The following ABCD2 variants were observed in gnomAD, a reference collection of about 807,000 sequenced individuals.
The protein encoded by ABCD2 is ATP-binding cassette sub-family D member 2.
Under a neutral mutation model 70.9 loss-of-function variants are expected in ABCD2, and 36 were observed. The observed-to-expected ratio is 0.51, with a 90% confidence interval of 0.39 to 0.67. ABCD2 has a LOEUF of 0.67. Among genes scored for constraint, ABCD2 ranks in the 30% least tolerant of loss-of-function variants. ABCD2 has a pLI of 0.00. For synonymous variants in ABCD2, 304 were observed against 306.9 expected (o/e 0.99, Z 0.10); for missense variants, 729 against 890.2 (o/e 0.82, Z 2.30).
chr12:39,561,891 C>A (rs1380038323), intron 9 of ABCD2, among the ~76,000 whole-genome samples: 1 of 152,126 alleles, frequency 6.6e-6, no homozygotes, highest in Non-Finnish European at 1.5e-5. Flanking sequence ...AATATACATT[C>A]TTCTCAACTA....
rs141386507 is a variant in ABCD2 at position 39,577,934 on chromosome 12, C to T, written c.1877+1601G>A. On this transcript the variant is annotated intron_variant, in intron 8 of 9. Coordinates refer to ENST00000308666, the MANE Select transcript of ABCD2 (RefSeq NM_005164.4). Reference sequence around the variant, plus strand: ...TTTTGATGAAGTTTGACTTTTTTTCCGTAATTAAAGGCTTTTAAAAAAATG... The same window carrying T: ...TTTTGATGAAGTTTGACTTTTTTTCTGTAATTAAAGGCTTTTAAAAAAATG... Among the ~76,000 whole-genome samples, 284 of 151,924 alleles carry T rather than the reference C, an allele frequency of 1.9e-3. 1 individual carries two copies. The highest frequency in any genetic ancestry group is 6.6e-3 in the African/African-American group (273 of 41,404).
chr12:39,604,114 A>G, intron 4 of ABCD2, 108 bp from the exon 5 acceptor site: 3 of 733,376 alleles, frequency 4.1e-6, no homozygotes, highest in Admixed American at 5.9e-5. Context: ...AAGATAATTC[A>G]CAGTAATAAA....
intron 7 of ABCD2, among the ~76,000 whole-genome samples, chr12:39,585,499 C>G (rs1275760049): frequency 6.6e-6 from 1 of 151,756 alleles, no homozygotes; most frequent in Non-Finnish European, 1.5e-5. Flanking sequence ...ATGTGAATGC[C>G]CTTTATTTCT....
intron 8 of ABCD2, 62 bp downstream of exon 8, chr12:39,579,473 C>T (rs1941566420): frequency 1.7e-6 from 2 of 1,178,910 alleles, no homozygotes; most frequent in Non-Finnish European, 2.5e-6. Context: ...TTTGTTGTTC[C>T]TATTGTTGCT....
chr12:39,531,851 C>T, the ABCD2 span, among the ~76,000 whole-genome samples: 3 of 152,228 alleles, frequency 2.0e-5, no homozygotes, highest in East Asian at 1.9e-4. Flanking sequence ...CCCATATATT[C>T]GCAAATGCCG....
the ABCD2 span, among the ~76,000 whole-genome samples, chr12:39,538,105 G>C: frequency 6.6e-6 from 1 of 151,870 alleles, no homozygotes; most frequent in African/African-American, 2.4e-5. Context: ...TTCTGTAATG[G>C]GGCTCTTGAG....
At chr12:39,545,260 G>A (rs1196549179), downstream of ABCD2, among the ~76,000 whole-genome samples, 1 of 152,052 alleles carries the variant, frequency 6.6e-6, no homozygotes, top group Non-Finnish European at 1.5e-5. Context: ...CAAAAATTTG[G>A]CTTAGATAGG....
intron 2 of ABCD2, among the ~76,000 whole-genome samples, chr12:39,614,602 C>T (rs1288778446): frequency 6.6e-6 from 1 of 151,422 alleles, no homozygotes; most frequent in Admixed American, 6.6e-5. Context: ...TTACCTCTAA[C>T]ATAAGGGACA....
chr12:39,611,287 C>G (rs925861231), intron 2 of ABCD2, among the ~76,000 whole-genome samples: 1 of 152,012 alleles, frequency 6.6e-6, no homozygotes, highest in Non-Finnish European at 1.5e-5. Context: ...AAGTTCCACA[C>G]TAATACAAGA....
chr12:39,543,151 T>G, the ABCD2 span, among the ~76,000 whole-genome samples: 1 of 152,154 alleles, frequency 6.6e-6, no homozygotes, highest in Admixed American at 6.5e-5. Context: ...TAAGTCAAAA[T>G]ATCAATAAAG....
chr12:39,587,169 C>A (rs545904737), intron 6 of ABCD2, among the ~76,000 whole-genome samples: 3 of 152,134 alleles, frequency 2.0e-5, no homozygotes, highest in African/African-American at 7.2e-5. Flanking sequence ...ACATAAATAC[C>A]CATACAAAGA....
chr12:39,617,613 A>G (rs1456895996), intron 1 of ABCD2, among the ~76,000 whole-genome samples: 1 of 152,164 alleles, frequency 6.6e-6, no homozygotes, highest in Non-Finnish European at 1.5e-5. Flanking sequence ...ATATCATTGA[A>G]TTCAATAGTT....
intron 2 of ABCD2, among the ~76,000 whole-genome samples, chr12:39,612,699 A>T (rs1353121633): frequency 6.6e-6 from 1 of 152,206 alleles, no homozygotes; most frequent in African/African-American, 2.4e-5. Context: ...TGCTATGTTC[A>T]TTGGTCAAAA....
At chr12:39,569,211 C>T (rs1376141310) in intron 9 of ABCD2, among the ~76,000 whole-genome samples, 1 of 152,204 alleles carries the variant, frequency 6.6e-6, no homozygotes, top group Non-Finnish European at 1.5e-5. Flanking sequence ...TTTGTCTATG[C>T]CCTACCCCCA....
At chr12:39,576,406 G>C (rs901925900) in intron 8 of ABCD2, among the ~76,000 whole-genome samples, 9 of 151,932 alleles carry the variant, frequency 5.9e-5, no homozygotes, top group African/African-American at 1.9e-4. Context: ...TGATCCACCC[G>C]CCTCGCCCTC....
downstream of ABCD2, among the ~76,000 whole-genome samples, chr12:39,548,606 A>G (rs2120493377): frequency 6.6e-6 from 1 of 152,082 alleles, no homozygotes; most frequent in East Asian, 1.9e-4. Context: ...GCACCTTCCC[A>G]GGTGAGTCAT....
At position 39,551,140 on chromosome 12, in the gene ABCD2, C is replaced by G. The variant is rs1057420165; in HGVS notation, c.*2772G>C. The G allele has an allele frequency of 2.0e-5, 3 of 151,608 alleles. No individual in the cohort carries two copies. Among genetic ancestry groups the G allele is most frequent in the Non-Finnish European group, 3.0e-5 (2 of 67,620 alleles). 9.4% of individuals were successfully genotyped at this position (151,608 alleles called of 1,614,324 possible). A position where few individuals can be genotyped will look rare whatever the true frequency, so the allele number is the denominator to read the frequency against. On this transcript the variant is annotated 3_prime_UTR_variant, in exon 10 of 10. Coordinates refer to ENST00000308666, the MANE Select transcript of ABCD2 (RefSeq NM_005164.4). ...GGATTATTACACATTATCCTGCTTACAAGAACACAAACTGTTTTAGACTCA... is the reference window on the plus strand; with the variant it reads ...GGATTATTACACATTATCCTGCTTAGAAGAACACAAACTGTTTTAGACTCA...
At chr12:39,565,004 T>C (rs1941322146) in intron 9 of ABCD2, among the ~76,000 whole-genome samples, 1 of 152,160 alleles carries the variant, frequency 6.6e-6, no homozygotes, top group African/African-American at 2.4e-5. Context: ...GTTTTGGTAC[T>C]AGTACCATGC....
At chr12:39,534,918 AAGAAAG>A in the ABCD2 span, among the ~76,000 whole-genome samples, 1 of 119,644 alleles carries the variant, frequency 8.4e-6, no homozygotes, top group Non-Finnish European at 1.9e-5. Context: ...GAAAGAAAGA[AAGAAAG>A]AAAGAAAGAA....
Sources: allele counts gnomAD v4.1 joint callset (sites outside exome capture counted in the v4.1 genomes callset), GRCh38; gene constraint gnomAD v4.1.1; transcripts MANE v1.5; gene names NCBI Gene and HGNC (gene_info 2026-07-23, HGNC 2026-07-21).